CAST: variants seen among roughly 807,000 people sequenced by gnomAD.
The protein encoded by CAST is calpastatin, also known as MIR583 host.
Under a neutral mutation model 119.6 loss-of-function variants are expected in CAST, and 76 were observed. The observed-to-expected ratio is 0.64, with a 90% CI of 0.53 to 0.77. CAST has a LOEUF of 0.77. CAST is among the 30% of genes least tolerant of loss of function. The pLI, the probability that CAST is intolerant of heterozygous loss-of-function variation, is 0.00. For missense variants in CAST, 953 were observed against 946.5 expected, an observed-to-expected ratio of 1.01 and a Z score of -0.09; for synonymous variants, 319 against 331.6, an observed-to-expected ratio of 0.96 and a Z score of 0.41.
the CAST span, among the ~76,000 whole-genome samples, chr5:96,127,451 G>C: frequency 6.6e-6 from 1 of 152,048 alleles, no homozygotes; most frequent in Non-Finnish European, 1.5e-5. Flanking sequence ...ACCACTTGCT[G>C]TGTCTGAAAG....
Position 96,742,705 on chromosome 5 carries a change from C to A in CAST, c.1149C>A (p.Thr383=), listed in dbSNP as rs753813625. The change falls in exon 16 of 32, where the codon ACC becomes ACA. Residue 383 remains threonine, a synonymous_variant. Transcript: ENST00000675179. ...AGGCTCTGTCGGCTTCACTGGGCAC[C>A]CGGCAAGCAGAACCTGAGCTCGACC... The part of the protein sequence containing the change: ...ALEALSASLG[T]RQAEPELDLR... The A allele has an allele frequency of 1.4e-5, 22 of 1,613,824 alleles. No homozygotes were observed. Among genetic ancestry groups the A allele is most frequent in the Non-Finnish European group, 1.8e-5 (21 of 1,179,924 alleles).
intron 1 of CAST, among the ~76,000 whole-genome samples, chr5:96,633,959 A>G (rs1473172056): frequency 1.3e-5 from 2 of 152,122 alleles, no homozygotes; most frequent in Non-Finnish European, 2.9e-5. Context: ...AATTAGAACA[A>G]CTCATGACTC....
chr5:96,280,735 G>C, the CAST span, among the ~76,000 whole-genome samples: 1 of 151,950 alleles, frequency 6.6e-6, no homozygotes, highest in Non-Finnish European at 1.5e-5. Context: ...CAGTAGAACA[G>C]AACATGTGTT....
the CAST span, among the ~76,000 whole-genome samples, chr5:95,986,471 C>T: frequency 6.6e-6 from 1 of 152,202 alleles, no homozygotes. Context: ...CAGTTTCTTT[C>T]AAGCACTCTC....
intron 1 of CAST, among the ~76,000 whole-genome samples, chr5:96,549,673 C>T (rs1349554112): frequency 2.6e-5 from 4 of 152,206 alleles, no homozygotes; most frequent in Non-Finnish European, 5.9e-5. Flanking sequence ...CCTGGAGGAA[C>T]AGTACACTCC....
At chr5:96,378,644 C>T in the CAST span, among the ~76,000 whole-genome samples, 1 of 151,946 alleles carries the variant, frequency 6.6e-6, no homozygotes, top group Admixed American at 6.6e-5. Flanking sequence ...CTTTAAAAGT[C>T]CTAGAATTAG....
the CAST span, among the ~76,000 whole-genome samples, chr5:96,146,189 G>A: frequency 1.3e-5 from 2 of 152,118 alleles, no homozygotes; most frequent in Non-Finnish European, 2.9e-5. Flanking sequence ...ATTAATCACT[G>A]TAAAAGCTGA....
chr5:96,628,561 G>A (rs1747766095), intron 1 of CAST, among the ~76,000 whole-genome samples: 1 of 152,128 alleles, frequency 6.6e-6, no homozygotes, highest in South Asian at 2.1e-4. Flanking sequence ...AAGTATCTGG[G>A]CTTAGAGCCA....
At chr5:96,286,826 A>G in the CAST span, among the ~76,000 whole-genome samples, 1 of 152,124 alleles carries the variant, frequency 6.6e-6, no homozygotes, top group Admixed American at 6.5e-5. Flanking sequence ...TTCTCTTACT[A>G]GAGTGATCTA....
chr5:96,087,129 G>A, the CAST span, among the ~76,000 whole-genome samples: 1 of 152,184 alleles, frequency 6.6e-6, no homozygotes, highest in African/African-American at 2.4e-5. Flanking sequence ...TACATGATTT[G>A]CTTTCATATA....
intron 29 of CAST, 48 bp from the exon 30 acceptor site, chr5:96,770,483 A>G: frequency 8.5e-7 from 1 of 1,170,424 alleles, no homozygotes; most frequent in Middle Eastern, 1.9e-4. Flanking sequence ...GTTAATTGCT[A>G]GATGGATTGG....
the CAST span, chr5:96,412,530 T>A: frequency 1.3e-6 from 2 of 1,569,514 alleles, no homozygotes; most frequent in Non-Finnish European, 1.8e-6. Context: ...AAGGTTGATG[T>A]CAGTATGTAC....
At chr5:96,203,925 A>G in the CAST span, among the ~76,000 whole-genome samples, 1 of 152,216 alleles carries the variant, frequency 6.6e-6, no homozygotes, top group Non-Finnish European at 1.5e-5. Flanking sequence ...TGTAAAACAA[A>G]TAGACCGGGC....
the CAST span, among the ~76,000 whole-genome samples, chr5:96,114,390 T>C: frequency 6.6e-6 from 1 of 152,162 alleles, no homozygotes; most frequent in Non-Finnish European, 1.5e-5. Context: ...ACATTGAAGT[T>C]TGAGAGCTCA....
the CAST span, among the ~76,000 whole-genome samples, chr5:96,426,194 G>T: frequency 6.6e-6 from 1 of 152,126 alleles, no homozygotes; most frequent in Admixed American, 6.5e-5. Flanking sequence ...TTTACATTGT[G>T]GTTACAGTGG....
intron 1 of CAST, among the ~76,000 whole-genome samples, chr5:96,628,039 C>A (rs1678447690): frequency 6.6e-6 from 1 of 152,194 alleles, no homozygotes; most frequent in Admixed American, 6.5e-5. Flanking sequence ...CTCTCTTATA[C>A]AAACATTTAG....
At chr5:96,094,425 T>A in the CAST span, among the ~76,000 whole-genome samples, 1 of 134,464 alleles carries the variant, frequency 7.4e-6, no homozygotes, top group Non-Finnish European at 1.6e-5. Flanking sequence ...TAGGGTGACC[T>A]TTTTTTTTTT....
the CAST span, among the ~76,000 whole-genome samples, chr5:96,022,179 A>G: frequency 1.3e-5 from 2 of 152,204 alleles, no homozygotes; most frequent in South Asian, 4.1e-4. Context: ...AGGTTTTGGT[A>G]TCTTTGGCGG....
At chr5:96,000,567 G>A in the CAST span, among the ~76,000 whole-genome samples, 1 of 152,290 alleles carries the variant, frequency 6.6e-6, no homozygotes, top group African/African-American at 2.4e-5. Flanking sequence ...CCAGCTTCAA[G>A]TATAGTCAAG....
Sources: allele counts gnomAD v4.1 joint callset (sites outside exome capture counted in the v4.1 genomes callset), GRCh38; gene constraint gnomAD v4.1.1; transcripts MANE v1.5; gene names NCBI Gene and HGNC (gene_info 2026-07-23, HGNC 2026-07-21).